The following HMCN2 variants were observed in gnomAD, a reference collection of about 807,000 sequenced individuals.
HMCN2 encodes the protein hemicentin 2.
Under a neutral mutation model 377.5 loss-of-function variants are expected in HMCN2, and 325 were observed. The observed-to-expected ratio is 0.86, with a 90% CI of 0.79 to 0.94. The LOEUF is 0.94. HMCN2 is among the 40% of genes least tolerant of loss of function. HMCN2 has a pLI of 0.00. For missense variants in HMCN2, 4,543 were observed against 4,725.3 expected, an observed-to-expected ratio of 0.96 and a Z score of 1.13; for synonymous variants, 2,007 against 2,046.8, an observed-to-expected ratio of 0.98 and a Z score of 0.53.
In HMCN2 at chr9:130,398,621, C is replaced by G; in HGVS notation, c.11397C>G (p.Cys3799Trp). Reference protein sequence around the residue: ...LTAHTPALLPCEASGSPKPLV... With the variant: ...LTAHTPALLPWEASGSPKPLV... ...CCCACACCCCAGCCTTGCTGCCCTG[C>G]GAGGCCAGCGGCTCCCCTAAGCCCC... Residue 3799 changes from cysteine (C) to tryptophan (W), a missense_variant, in exon 75 of 98, where the codon TGC (cysteine) becomes TGG (tryptophan). Cys to Trp is a radical substitution (Grantham distance 215, BLOSUM62 -2). This residue lies in a region of HMCN2 where 1,073 missense variants were observed against 1,319.5 expected (regional missense o/e 0.81). Transcript: ENST00000683500. 7.8e-7 allele frequency: 1 copy of G among 1,288,262 alleles called. No individual in the cohort carries two copies. The highest frequency in any genetic ancestry group is 1.2e-5 in the South Asian group (1 of 80,868). The allele number at this position is 1,288,262 out of a possible 1,614,324, so 79.8% of individuals were successfully genotyped here.
chr9:130,317,061 G>A (rs1172278915), intron 15 of HMCN2, among the ~76,000 whole-genome samples: 6 of 151,922 alleles, frequency 3.9e-5, no homozygotes, highest in African/African-American at 1.5e-4. Flanking sequence ...ATGAGTCTGG[G>A]ATTTGGCTCT....
At position 130,399,633 on chromosome 9, in the gene HMCN2, G is replaced by A. The variant is rs1310182305; in HGVS notation, c.11605+1G>A. On this transcript the variant is annotated splice_donor_variant, in intron 76 of 97. Coordinates refer to ENST00000683500, the MANE Select transcript of HMCN2 (RefSeq NM_001291815.2). LOFTEE classifies it high-confidence loss of function. The stretch of plus-strand genomic sequence containing the variant: ...AGGCTCTACCAGGTGACCGTCCATG[G>A]TGAGTCGGGGCAGAGGTGGAGGGGG... The A allele has an allele frequency of 3.1e-6, 4 of 1,288,562 alleles. No individual in the cohort carries two copies. The South Asian group carries it at 4.9e-5, about 16-fold the overall frequency. The allele number at this position is 1,288,562 out of a possible 1,614,324, so 79.8% of individuals were successfully genotyped here.
intron 1 of HMCN2, among the ~76,000 whole-genome samples, chr9:130,274,275 C>T (rs1554922234): frequency 6.6e-6 from 1 of 152,108 alleles, no homozygotes; most frequent in African/African-American, 2.4e-5. Flanking sequence ...AGGCTGGTCT[C>T]GAACTCCTGA....
chr9:130,431,847 G>A (rs937515702), intron 96 of HMCN2, among the ~76,000 whole-genome samples: 3 of 152,246 alleles, frequency 2.0e-5, no homozygotes, highest in African/African-American at 4.8e-5. Context: ...TGGGATGAGA[G>A]CTGTGGAGGT....
At chr9:130,382,429 G>T (rs1841779377) in intron 55 of HMCN2, 132 bp downstream of exon 55, 1 of 273,950 alleles carries the variant, frequency 3.7e-6, no homozygotes, top group Non-Finnish European at 5.6e-6. Context: ...TACATGCTCG[G>T]CCTCAAAGAA....
chr9:130,394,114 G>A lies in HMCN2; in HGVS notation c.10501+106G>A. 1 of 1,051,446 alleles carries A rather than the reference G, an allele frequency of 9.5e-7. No homozygotes were observed. The highest frequency in any genetic ancestry group is 1.2e-6 in the Non-Finnish European group (1 of 818,372). 65.1% of individuals were successfully genotyped at this position (1,051,446 alleles called of 1,614,324 possible). A position where few individuals can be genotyped will look rare whatever the true frequency, so the allele number is the denominator to read the frequency against. Reference sequence around the variant, plus strand: ...GGGAGGTGAGTCCCCTGGAGACCTGGGACTGCCACCTGGGAGCAGAACTCA... The same window carrying A: ...GGGAGGTGAGTCCCCTGGAGACCTGAGACTGCCACCTGGGAGCAGAACTCA... On this transcript the variant is annotated intron_variant, in intron 68 of 97. Coordinates refer to ENST00000683500, the MANE Select transcript of HMCN2 (RefSeq NM_001291815.2). The surrounding 1 kb of genome is among the most constrained non-coding windows in gnomAD (Gnocchi z 5.1).
At chr9:130,286,791 G>A (rs1835437483) in intron 4 of HMCN2, among the ~76,000 whole-genome samples, 1 of 152,202 alleles carries the variant, frequency 6.6e-6, no homozygotes, top group African/African-American at 2.4e-5. Flanking sequence ...GGAGGGGCTG[G>A]CTTGCTGTGT....
At chr9:130,425,258 T>C in intron 89 of HMCN2, 128 bp downstream of exon 89, 1 of 1,113,882 alleles carries the variant, frequency 9.0e-7, no homozygotes, top group Non-Finnish European at 1.2e-6. Context: ...TGGGTCACAG[T>C]CTAGCCTTGG....
chr9:130,403,658 T>G (rs1303901023), intron 79 of HMCN2, 83 bp from the exon 80 acceptor site: 57 of 1,219,040 alleles, frequency 4.7e-5, no homozygotes, highest in East Asian at 5.8e-5. Context: ...TTGCTGCCTG[T>G]GAGACAGAAT....
At chr9:130,400,506 A>G in intron 76 of HMCN2, 1 of 206,340 alleles carries the variant, frequency 4.8e-6, no homozygotes, top group South Asian at 6.9e-5. Context: ...CAGCAGTAGG[A>G]TCACACTTGT....
At chr9:130,269,749 TA>T (rs1252146007) in intron 1 of HMCN2, among the ~76,000 whole-genome samples, 15 of 147,856 alleles carry the variant, frequency 1.0e-4, no homozygotes, top group African/African-American at 3.6e-4. Context: ...TTAGTGCTTT[TA>T]TTTTTAGTTG....
At chr9:130,370,166 G>T (rs554328869) in intron 45 of HMCN2, among the ~76,000 whole-genome samples, 2 of 152,290 alleles carry the variant, frequency 1.3e-5, no homozygotes, top group East Asian at 3.9e-4. Flanking sequence ...TGACTGGTAT[G>T]TGATGGGGAG....
chr9:130,431,236 G>A (rs1240212255), intron 95 of HMCN2, 131 bp from the exon 96 acceptor site: 2 of 924,224 alleles, frequency 2.2e-6, no homozygotes. Flanking sequence ...GGCTGGGAGG[G>A]GCAGGACAGG....
intron 22 of HMCN2, among the ~76,000 whole-genome samples, chr9:130,327,812 A>G (rs1404695802): frequency 6.6e-6 from 1 of 152,206 alleles, no homozygotes; most frequent in African/African-American, 2.4e-5. Context: ...TCACCCAGCT[A>G]GGAAAGAGCA....
At chr9:130,286,129 C>A in intron 3 of HMCN2, 59 bp from the exon 4 acceptor site, 1 of 465,196 alleles carries the variant, frequency 2.1e-6, no homozygotes. Flanking sequence ...GGTCCTGCTG[C>A]TCACCCCTGA....
intron 89 of HMCN2, 63 bp downstream of exon 89, chr9:130,425,193 C>G: frequency 1.4e-6 from 2 of 1,471,720 alleles, no homozygotes; most frequent in Admixed American, 2.3e-5. Context: ...GTGCCCGGCT[C>G]TCAACCACCC....
In HMCN2 at chr9:130,433,664, C is replaced by T. The variant is rs11244323; in HGVS notation, c.15211C>T (p.Leu5071Phe). Residue 5071 changes from leucine to phenylalanine, a missense_variant, in exon 98 of 98, where the codon CTC becomes TTC. By Grantham distance (22) the Leu-to-Phe change is conservative. Coordinates refer to ENST00000683500, the MANE Select transcript of HMCN2 (RefSeq NM_001291815.2). ...APRHQSVFVL[L>F]IAVSPYPY ...GCGCCACCAAAGCGTCTTCGTCTTGCTCATCGCCGTGTCCCCCTACCCCTA... is the reference window on the plus strand; with the variant it reads ...GCGCCACCAAAGCGTCTTCGTCTTGTTCATCGCCGTGTCCCCCTACCCCTA... The T allele has an allele frequency of 6.6e-7, 1 of 1,513,290 alleles. No individual in the cohort carries two copies. The allele number at this position is 1,513,290 out of a possible 1,614,324, so 93.7% of individuals were successfully genotyped here.
chr9:130,290,862 G>T (rs1186635034), intron 4 of HMCN2, among the ~76,000 whole-genome samples: 5 of 121,182 alleles, frequency 4.1e-5, no homozygotes, highest in Admixed American at 1.6e-4. Context: ...AGCTCAGTCT[G>T]AAAAAAAAAA....
intron 23 of HMCN2, among the ~76,000 whole-genome samples, chr9:130,340,486 C>T (rs1038972910): frequency 6.6e-6 from 1 of 151,762 alleles, no homozygotes. Context: ...CTCAGTTTCC[C>T]CTGTGCACTG....
Sources: allele counts gnomAD v4.1 joint callset (sites outside exome capture counted in the v4.1 genomes callset), GRCh38; gene constraint gnomAD v4.1.1; regional missense constraint gnomAD v4.1.1; non-coding constraint Gnocchi (gnomAD v3.1); transcripts MANE v1.5; gene names NCBI Gene and HGNC (gene_info 2026-07-23, HGNC 2026-07-21).